MAST4: variants seen among roughly 807,000 people sequenced by gnomAD.
MAST4 encodes microtubule associated serine/threonine kinase family member 4.
Under a neutral mutation model 162.7 loss-of-function variants are expected in MAST4, and 89 were observed. The ratio of observed to expected loss-of-function variants is 0.55; its 90% confidence interval spans 0.46 to 0.65. The LOEUF is 0.65. Ranked by LOEUF, MAST4 falls within the 30% of genes least tolerant of loss-of-function variation. The pLI is 0.00. For missense variants in MAST4, 3,153 were observed against 3,374.0 expected, an observed-to-expected ratio of 0.93 and a Z score of 1.62; for synonymous variants, 1,479 against 1,361.1, an observed-to-expected ratio of 1.09 and a Z score of -1.91.
intron 1 of MAST4, among the ~76,000 whole-genome samples, chr5:66,648,233 C>T (rs1185096898): frequency 1.3e-5 from 2 of 152,010 alleles, no homozygotes; most frequent in African/African-American, 4.8e-5. Context: ...GGAAGCTTTA[C>T]TCAGTTATTT....
intron 4 of MAST4, among the ~76,000 whole-genome samples, chr5:67,030,248 G>A (rs1186611513): frequency 6.6e-6 from 1 of 152,060 alleles, no homozygotes; most frequent in Non-Finnish European, 1.5e-5. Flanking sequence ...AGTTAATTTA[G>A]TAATAGCATG....
Position 67,164,984 on chromosome 5 carries a change from C to G in MAST4, c.5805C>G (p.Pro1935=), listed in dbSNP as rs770286274. The G allele has an allele frequency of 1.6e-5, 26 of 1,613,894 alleles. No individual in the cohort carries two copies. Among genetic ancestry groups the G allele is most frequent in the Non-Finnish European group, 2.1e-5 (25 of 1,179,854 alleles). ...AACACCAAGACCACACCACTGACCC[C>G]AAGCTTCTGACCTGCCTGGGGCAGA... ...SPKHQDHTTD[P]KLLTCLGQNL... Residue 1935 remains proline (P), a synonymous_variant, in exon 29 of 29, where the codon CCC becomes CCG. Coordinates refer to ENST00000403625, the MANE Select transcript of MAST4 (RefSeq NM_001164664.2). The surrounding 1 kb of genome is among the most constrained non-coding windows in gnomAD (Gnocchi z 5.3).
chr5:66,713,982 A>G (rs1750658703), intron 1 of MAST4, among the ~76,000 whole-genome samples: 2 of 152,214 alleles, frequency 1.3e-5, no homozygotes, highest in African/African-American at 4.8e-5. Context: ...AATCCTGATG[A>G]TAATTCCATG....
Position 67,165,737 on chromosome 5 carries a change from C to A in MAST4, c.6558C>A (p.His2186Gln). The A allele has an allele frequency of 1.3e-6, 2 of 1,578,882 alleles. No homozygotes were observed. Among genetic ancestry groups the A allele is most frequent in the South Asian group, 2.3e-5 (2 of 87,334 alleles). The change falls in exon 29 of 29, where the codon CAC becomes CAA. Residue 2186 changes from histidine to glutamine, a missense_variant. Physicochemically the swap from His to Gln is conservative, Grantham distance 24. Transcript: ENST00000403625. ...PQDPPKPVAA[H>Q]SESSSHKPRP... ...ACCCTCCCAAGCCTGTTGCTGCGCACAGTGAAAGCAGCAGCCACAAGCCCC... is the reference window on the plus strand; with the variant it reads ...ACCCTCCCAAGCCTGTTGCTGCGCAAAGTGAAAGCAGCAGCCACAAGCCCC...
chr5:67,025,318 T>C (rs977778196), intron 4 of MAST4, among the ~76,000 whole-genome samples: 1 of 152,168 alleles, frequency 6.6e-6, no homozygotes, highest in South Asian at 2.1e-4. Flanking sequence ...TGATAATGAA[T>C]ACAAATAAGT....
chr5:67,157,467 T>A (rs1036830603), intron 26 of MAST4, among the ~76,000 whole-genome samples: 10 of 152,224 alleles, frequency 6.6e-5, no homozygotes, highest in African/African-American at 2.4e-4. Context: ...GATAAGTATG[T>A]TGAGGATTTA....
intron 4 of MAST4, among the ~76,000 whole-genome samples, chr5:66,985,366 G>A (rs900295601): frequency 6.6e-6 from 1 of 152,174 alleles, no homozygotes; most frequent in Non-Finnish European, 1.5e-5. Flanking sequence ...GAATGCAGGT[G>A]CTGGAAGAAA....
chr5:66,869,513 G>A lies in MAST4; in HGVS notation c.643-30438G>A, dbSNP rs185880105. Among the ~76,000 whole-genome samples, 620 of 152,216 alleles carry A rather than the reference G, an allele frequency of 4.1e-3. 3 individuals carry two copies. The highest frequency in any genetic ancestry group is 6.9e-3 in the Non-Finnish European group (466 of 68,008). The stretch of plus-strand genomic sequence containing the variant: ...TAGAGAAAGAATGCATGTTGGCAGG[G>A]CGGTTACTAGGAAAAACATAATCCT... On this transcript the variant is annotated intron_variant, in intron 3 of 28. Coordinates refer to ENST00000403625, the MANE Select transcript of MAST4 (RefSeq NM_001164664.2).
chr5:66,766,600 T>C (rs2149627159), intron 2 of MAST4, among the ~76,000 whole-genome samples: 1 of 152,284 alleles, frequency 6.6e-6, no homozygotes, highest in Non-Finnish European at 1.5e-5. Flanking sequence ...GCTATTGCTT[T>C]TAATTACTCT....
chr5:67,105,875 T>C (rs889328232), intron 10 of MAST4, among the ~76,000 whole-genome samples: 1 of 152,194 alleles, frequency 6.6e-6, no homozygotes, highest in Non-Finnish European at 1.5e-5. Context: ...AGGGATATTA[T>C]CTGCTTTGTT....
chr5:67,163,199 A>G lies in MAST4; in HGVS notation c.4020A>G (p.Pro1340=). Reference sequence around the variant, plus strand: ...CTAGTTCTAGTGCCCCCAATTCCCCAGCAGGGTCCGGGCACATCCGGCCCA... The same window carrying G: ...CTAGTTCTAGTGCCCCCAATTCCCCGGCAGGGTCCGGGCACATCCGGCCCA... ...SSPSSSAPNS[P]AGSGHIRPST... The change falls in exon 29 of 29, where the codon CCA becomes CCG. Residue 1340 remains proline (P), a synonymous_variant. Transcript: ENST00000403625. This position sits in a 1 kb window ranked among gnomAD's most constrained non-coding sequence, Gnocchi z 7.0. 1.2e-6 allele frequency: 2 copies of G among 1,613,064 alleles called. No individual in the cohort carries two copies. The highest frequency in any genetic ancestry group is 1.7e-6 in the Non-Finnish European group (2 of 1,179,220).
chr5:66,895,950 T>C (rs1321760858), intron 3 of MAST4, among the ~76,000 whole-genome samples: 2 of 152,178 alleles, frequency 1.3e-5, no homozygotes, highest in African/African-American at 4.8e-5. Context: ...TATATAACCT[T>C]AATACATTTG....
rs537499929 is a variant in MAST4 at position 66,709,658 on chromosome 5, TTGTCTC to T, written c.364-50047_364-50042del. Among the ~76,000 whole-genome samples the T allele has an allele frequency of 6.5e-3, 991 of 152,332 alleles. 2 individuals carry two copies. Among genetic ancestry groups the T allele is most frequent in the South Asian group, 0.03 (143 of 4,830 alleles). ...AAGGCCAAATTGGCATTCTGGCTCT[TTGTCTC>T]TGTTTCTTTTTATAATTATTATAAA... On this transcript the variant is annotated intron_variant, in intron 1 of 28. Transcript: ENST00000403625.
In MAST4 at chr5:66,596,580, C is replaced by T. The variant is rs1742189184; in HGVS notation, c.-76C>T. 7.4e-7 allele frequency: 1 copy of T among 1,344,564 alleles called. No homozygotes were observed. Among genetic ancestry groups the T allele is most frequent in the Middle Eastern group, 2.5e-4 (1 of 3,928 alleles). The allele number at this position is 1,344,564 out of a possible 1,614,324, so 83.3% of individuals were successfully genotyped here. The stretch of plus-strand genomic sequence containing the variant: ...TGCCAGTGAGCCTGAGCCCAGGAGC[C>T]CGCGTCTTCCCCGGGAGGCGCTGAG... On this transcript the variant is annotated 5_prime_UTR_variant, in exon 1 of 29. Coordinates refer to ENST00000403625, the MANE Select transcript of MAST4 (RefSeq NM_001164664.2).
At chr5:67,030,257 T>C (rs1755143011) in intron 4 of MAST4, among the ~76,000 whole-genome samples, 1 of 152,178 alleles carries the variant, frequency 6.6e-6, no homozygotes, top group Non-Finnish European at 1.5e-5. Context: ...AGTAATAGCA[T>C]GGTGTGATAC....
chr5:66,876,929 C>T (rs999916987), intron 3 of MAST4, among the ~76,000 whole-genome samples: 1 of 152,130 alleles, frequency 6.6e-6, no homozygotes, highest in Non-Finnish European at 1.5e-5. Context: ...CTGTGTGGAA[C>T]CAAGCTTAAA....
chr5:67,085,344 C>T (rs1164832096), intron 5 of MAST4, among the ~76,000 whole-genome samples: 1 of 152,204 alleles, frequency 6.6e-6, no homozygotes, highest in Non-Finnish European at 1.5e-5. Flanking sequence ...AGCCTCCTAA[C>T]TCATCCCCCT....
intron 5 of MAST4, among the ~76,000 whole-genome samples, chr5:67,078,933 T>TAAATAAATAAATAA (rs1561622593): frequency 2.8e-4 from 27 of 97,156 alleles, no homozygotes; most frequent in South Asian, 1.4e-3. Context: ...TATATATATA[T>TAAATAAATAAATAA]ATATATATAT....
Position 67,165,392 on chromosome 5 carries a change from G to T in MAST4, c.6213G>T (p.Glu2071Asp), listed in dbSNP as rs1368250369. 1 of 1,613,814 alleles carries T rather than the reference G, an allele frequency of 6.2e-7. No individual in the cohort carries two copies. Among genetic ancestry groups the T allele is most frequent in the South Asian group, 1.1e-5 (1 of 91,080 alleles). Residue 2071 changes from glutamate to aspartate, a missense_variant, in exon 29 of 29, where the codon GAG becomes GAT. By Grantham distance (45) the Glu-to-Asp change is conservative. Coordinates refer to ENST00000403625, the MANE Select transcript of MAST4 (RefSeq NM_001164664.2). ...LHSAGIPCEK[E>D]LGKVRRGVEP... ...CAGCTGGAATTCCCTGTGAGAAGGA[G>T]CTGGGCAAGGTGAGGCGTGGCGTGG...
Sources: gnomAD v4.1 joint callset for allele counts (sites outside exome capture counted in the v4.1 genomes callset) on GRCh38, gnomAD v4.1.1 for gene constraint, Gnocchi (gnomAD v3.1) non-coding constraint, MANE v1.5 for transcripts, NCBI Gene and HGNC (gene_info 2026-07-23, HGNC 2026-07-21) for gene names.